MSH3: variants seen among roughly 807,000 people sequenced by gnomAD.
MSH3 encodes the protein mutS homolog 3, also known as DNA mismatch repair protein Msh3.
In MSH3, 106 loss-of-function variants were observed where a neutral mutation model predicts 123.3. The ratio of observed to expected loss-of-function variants is 0.86; its 90% CI spans 0.73 to 1.01. The LOEUF (loss-of-function observed/expected upper bound fraction) is 1.01. Among genes scored for constraint, MSH3 ranks in the 50% least tolerant of loss-of-function variants. The pLI, the probability that MSH3 is intolerant of heterozygous loss-of-function variation, is 0.00. For missense variants in MSH3, 1,459 were observed against 1,347.6 expected, an observed-to-expected ratio of 1.08 and a Z score of -1.29; for synonymous variants, 515 against 481.4, an observed-to-expected ratio of 1.07 and a Z score of -0.91.
rs1694824662 is a variant in MSH3 at position 80,679,105 on chromosome 5, C to T, written c.1340+12C>T. The T allele has an allele frequency of 5.0e-6, 8 of 1,613,146 alleles. No homozygotes were observed. Among genetic ancestry groups the T allele is most frequent in the Admixed American group, 1.7e-5 (1 of 59,982 alleles). ...GCCACATCTGTTAGGTAAGTTGGCA[C>T]ATCACTGGAATATAATACCGATTCT... On this transcript the variant is annotated intron_variant, in intron 8 of 23. Coordinates refer to ENST00000265081, the MANE Select transcript of MSH3 (RefSeq NM_002439.5).
chr5:80,778,975 TA>T, intron 17 of MSH3, 139 bp downstream of exon 17: 4 of 586,144 alleles, frequency 6.8e-6, no homozygotes, highest in Admixed American at 3.2e-5. Context: ...TCTCTGATTT[TA>T]TTTCTTTTTT....
intron 21 of MSH3, among the ~76,000 whole-genome samples, chr5:80,864,418 G>T (rs1479032105): frequency 6.6e-6 from 1 of 152,126 alleles, no homozygotes; most frequent in Admixed American, 6.5e-5. Context: ...AAGAAACATT[G>T]TTGGGAGAAT....
intron 3 of MSH3, among the ~76,000 whole-genome samples, chr5:80,669,787 GT>G (rs1341859529): frequency 6.6e-6 from 1 of 152,082 alleles, no homozygotes; most frequent in Non-Finnish European, 1.5e-5. Flanking sequence ...AAGAAAATAA[GT>G]GTTAATAATA....
intron 20 of MSH3, among the ~76,000 whole-genome samples, chr5:80,834,188 G>A (rs1321738187): frequency 2.0e-5 from 3 of 152,056 alleles, no homozygotes; most frequent in African/African-American, 7.2e-5. Flanking sequence ...AAATGTGTTG[G>A]CTCCTAATGC....
intron 19 of MSH3, among the ~76,000 whole-genome samples, chr5:80,802,281 A>C (rs973211522): frequency 1.2e-4 from 19 of 152,150 alleles, no homozygotes; most frequent in Admixed American, 4.6e-4. Flanking sequence ...AAAAAGTCTT[A>C]AGATAACTTT....
chr5:80,776,949 T>C (rs1744315900), intron 16 of MSH3, among the ~76,000 whole-genome samples: 1 of 148,806 alleles, frequency 6.7e-6, no homozygotes, highest in Non-Finnish European at 1.5e-5. Context: ...TTCTTTTTTT[T>C]AAGACAGAGT....
chr5:80,658,037 C>CTCTTT (rs1749331508), intron 2 of MSH3, among the ~76,000 whole-genome samples: 1 of 116,640 alleles, frequency 8.6e-6, no homozygotes, highest in Non-Finnish European at 1.7e-5. Context: ...TTTTTGCCCT[C>CTCTTT]TTTTTTTTTT....
intron 8 of MSH3, among the ~76,000 whole-genome samples, chr5:80,716,823 T>C (rs1750970920): frequency 1.3e-5 from 2 of 152,286 alleles, no homozygotes; most frequent in African/African-American, 2.4e-5. Flanking sequence ...CTAGAACTTA[T>C]TCCTTCTATC....
chr5:80,834,920 T>G (rs1357013722), intron 20 of MSH3, among the ~76,000 whole-genome samples: 1 of 152,180 alleles, frequency 6.6e-6, no homozygotes, highest in Non-Finnish European at 1.5e-5. Context: ...ATTTGTCTCT[T>G]GTCTGCCACA....
intron 19 of MSH3, among the ~76,000 whole-genome samples, chr5:80,798,939 G>C (rs1744744724): frequency 6.6e-6 from 1 of 152,128 alleles, no homozygotes; most frequent in Admixed American, 6.5e-5. Flanking sequence ...TTCTATTCAA[G>C]CACTTTCTTT....
Position 80,654,859 on chromosome 5 carries a change from C to A in MSH3, c.132C>A (p.Ala44=), listed in dbSNP as rs749754328. The change falls in exon 1 of 24, where the codon GCC becomes GCA. Residue 44 remains alanine (A), a synonymous_variant. Transcript: ENST00000265081. ...LKSTSSSTGA[A]DQVDPGAAAA... The stretch of plus-strand genomic sequence containing the variant: ...CCACCTCCTCCTCCACAGGTGCAGC[C>A]GACCAGGTGGACCCTGGCGCTGCAG... 6.2e-7 allele frequency: 1 copy of A among 1,600,198 alleles called. No individual in the cohort carries two copies. Among genetic ancestry groups the A allele is most frequent in the Non-Finnish European group, 8.5e-7 (1 of 1,175,492 alleles).
intron 20 of MSH3, among the ~76,000 whole-genome samples, chr5:80,835,877 C>T (rs748042614): frequency 6.6e-6 from 1 of 151,520 alleles, no homozygotes; most frequent in Non-Finnish European, 1.5e-5. Context: ...ATTGCACCAC[C>T]GTACTCCAGC....
chr5:80,749,375 A>C (rs897396104), intron 12 of MSH3, among the ~76,000 whole-genome samples: 5 of 152,182 alleles, frequency 3.3e-5, no homozygotes, highest in African/African-American at 1.2e-4. Flanking sequence ...GCACAGGAGA[A>C]AGATGGAGGC....
Position 80,659,480 on chromosome 5 carries a change from A to G in MSH3, c.358+2949A>G, listed in dbSNP as rs181585792. Among the ~76,000 whole-genome samples, 607 of 152,290 alleles carry G rather than the reference A, an allele frequency of 4.0e-3. 4 individuals are homozygous for G. The highest frequency in any genetic ancestry group is 0.014 in the African/African-American group (579 of 41,554). Reference sequence around the variant, plus strand: ...TAGATTTGCCTATTCTGAACATTTCATATAAATGGAATCATACAATATGTG... The same window carrying G: ...TAGATTTGCCTATTCTGAACATTTCGTATAAATGGAATCATACAATATGTG... On this transcript the variant is annotated intron_variant, in intron 2 of 23. Transcript: ENST00000265081.
intron 8 of MSH3, among the ~76,000 whole-genome samples, chr5:80,693,703 G>C (rs1463602063): frequency 6.6e-6 from 1 of 151,744 alleles, no homozygotes; most frequent in Non-Finnish European, 1.5e-5. Flanking sequence ...TGTCACCCAG[G>C]CTGGAGTGCA....
At chr5:80,831,540 T>A (rs750660847) in intron 20 of MSH3, among the ~76,000 whole-genome samples, 7 of 152,204 alleles carry the variant, frequency 4.6e-5, no homozygotes, top group Non-Finnish European at 7.3e-5. Context: ...TGCCTACATA[T>A]CTTTTAGTAA....
At chr5:80,746,706 T>C (rs1743727262) in intron 12 of MSH3, 2 of 366,558 alleles carry the variant, frequency 5.5e-6, no homozygotes, top group Admixed American at 3.5e-5. Flanking sequence ...TGGGTCGTTA[T>C]CTCCATCATC....
intron 19 of MSH3, among the ~76,000 whole-genome samples, chr5:80,798,645 G>C (rs959729840): frequency 6.6e-6 from 1 of 152,144 alleles, no homozygotes; most frequent in Admixed American, 6.5e-5. Context: ...ATGAGCCCAT[G>C]GATTAAAATT....
intron 20 of MSH3, among the ~76,000 whole-genome samples, chr5:80,849,982 A>G (rs960365520): frequency 2.0e-5 from 3 of 152,152 alleles, no homozygotes; most frequent in Non-Finnish European, 2.9e-5. Flanking sequence ...AACAGCACCC[A>G]AGTCACCTCT....
Sources: allele counts gnomAD v4.1 joint callset (sites outside exome capture counted in the v4.1 genomes callset), GRCh38; gene constraint gnomAD v4.1.1; transcripts MANE v1.5; gene names NCBI Gene and HGNC (gene_info 2026-07-23, HGNC 2026-07-21).